Variants in SCARA5 observed in about 807,000 individuals in gnomAD.
The protein encoded by SCARA5 is scavenger receptor class A member 5.
Under a neutral mutation model 46.3 loss-of-function variants are expected in SCARA5, and 45 were observed. The ratio of observed to expected loss-of-function variants is 0.97; its 90% CI spans 0.76 to 1.24. SCARA5 has a LOEUF of 1.24. SCARA5 is among the 50% of genes most tolerant of loss of function. The pLI is 0.00. For missense variants in SCARA5, 680 were observed against 689.0 expected (o/e 0.99, Z 0.15); for synonymous variants, 333 against 306.5 (o/e 1.09, Z -0.90).
intron 8 of SCARA5, 106 bp downstream of exon 8, chr8:27,879,463 G>C (rs560876301): frequency 1.8e-6 from 2 of 1,096,698 alleles, no homozygotes; most frequent in East Asian, 4.8e-5. Flanking sequence ...GGAGAGGCTG[G>C]GGACCTCGCG....
intron 7 of SCARA5, among the ~76,000 whole-genome samples, chr8:27,900,472 T>C (rs1286652718): frequency 6.6e-6 from 1 of 152,190 alleles, no homozygotes; most frequent in Non-Finnish European, 1.5e-5. Flanking sequence ...CTTCCCTAAA[T>C]ACTGAAAACA....
intron 7 of SCARA5, among the ~76,000 whole-genome samples, chr8:27,900,359 G>C (rs1439915645): frequency 2.0e-5 from 3 of 152,124 alleles, no homozygotes; most frequent in Non-Finnish European, 2.9e-5. Flanking sequence ...AAACATCTCA[G>C]CAGCTGCAGG....
At chr8:27,942,026 G>A (rs1807954530) in intron 3 of SCARA5, among the ~76,000 whole-genome samples, 1 of 151,720 alleles carries the variant, frequency 6.6e-6, no homozygotes, top group Admixed American at 6.6e-5. Flanking sequence ...ACAGGGTTTT[G>A]CCATGTTGCC....
intron 8 of SCARA5, among the ~76,000 whole-genome samples, chr8:27,872,650 C>T (rs1304809512): frequency 6.6e-6 from 1 of 152,212 alleles, no homozygotes; most frequent in African/African-American, 2.4e-5. Flanking sequence ...AGCTCTTACA[C>T]AATAAGCCCT....
intron 3 of SCARA5, among the ~76,000 whole-genome samples, chr8:27,949,665 C>T (rs1409922291): frequency 2.0e-5 from 3 of 152,208 alleles, no homozygotes; most frequent in Non-Finnish European, 4.4e-5. Context: ...GTCCTCCTTC[C>T]ACCCCAACCG....
chr8:27,984,472 CCATT>C (rs779730992), intron 2 of SCARA5, among the ~76,000 whole-genome samples: 2 of 145,456 alleles, frequency 1.4e-5, no homozygotes, highest in African/African-American at 2.6e-5. Flanking sequence ...GTTTATCCAT[CCATT>C]CATTCATTCA....
At chr8:27,961,776 TATA>T (rs1225996921) in intron 3 of SCARA5, among the ~76,000 whole-genome samples, 1 of 152,234 alleles carries the variant, frequency 6.6e-6, no homozygotes, top group Non-Finnish European at 1.5e-5. Context: ...GATGTGTTAA[TATA>T]ATCACACACC....
chr8:27,985,757 C>T (rs1012511214), intron 2 of SCARA5, among the ~76,000 whole-genome samples: 1 of 152,216 alleles, frequency 6.6e-6, no homozygotes, highest in Admixed American at 6.5e-5. Flanking sequence ...CTGCTGTCTG[C>T]CCTGCACCTG....
chr8:27,921,661 C>G lies in SCARA5; in HGVS notation c.826G>C (p.Glu276Gln), dbSNP rs762895170. 1.2e-6 allele frequency: 2 copies of G among 1,609,250 alleles called. No individual in the cohort carries two copies. Among genetic ancestry groups the G allele is most frequent in the South Asian group, 2.2e-5 (2 of 90,168 alleles). Reference protein sequence around the residue: ...HVGMELQLKQELAMLNAVTED... With the variant: ...HVGMELQLKQQLAMLNAVTED... ...GTGACCGCGTTGAGCATGGCCAGCTCCTGCTTCAGCTGCAGCTCCATGCCT... is the reference window on the plus strand; with the variant it reads ...GTGACCGCGTTGAGCATGGCCAGCTGCTGCTTCAGCTGCAGCTCCATGCCT... Residue 276 changes from glutamate (E) to glutamine (Q), a missense_variant, in exon 4 of 9, where the codon GAG (glutamate) becomes CAG (glutamine). Physicochemically the swap from Glu to Gln is conservative, Grantham distance 29. Transcript: ENST00000354914.
chr8:27,970,551 T>G (rs1392776494), intron 2 of SCARA5, among the ~76,000 whole-genome samples: 1 of 152,222 alleles, frequency 6.6e-6, no homozygotes, highest in African/African-American at 2.4e-5. Context: ...TAATTAAAAA[T>G]GGGCATAAAT....
intron 7 of SCARA5, among the ~76,000 whole-genome samples, chr8:27,880,857 G>GAAAAA (rs71222524): frequency 0.052 from 4,911 of 94,532 alleles, 234 homozygotes; most frequent in South Asian, 0.063. Context: ...CCTGTCTAAG[G>GAAAAA]AAAAAAAAAA....
intron 4 of SCARA5, among the ~76,000 whole-genome samples, chr8:27,920,772 C>T (rs1378158730): frequency 6.6e-6 from 1 of 151,972 alleles, no homozygotes; most frequent in Non-Finnish European, 1.5e-5. Context: ...ATCACTGCCC[C>T]CCAGCCTGGG....
rs34760183 is a variant in SCARA5 at position 27,947,708 on chromosome 8, TA to T, written c.241+18705del. ...GAACATGGCGAAACCGTGTCTCTACTAAAAAAAAAAAAAAAAAAAAGTCAGG... is the reference window on the plus strand; with the variant it reads ...GAACATGGCGAAACCGTGTCTCTACTAAAAAAAAAAAAAAAAAAAGTCAGG... On this transcript the variant is annotated intron_variant, in intron 3 of 8. Transcript: ENST00000354914. Among the ~76,000 whole-genome samples, 521 of 112,888 alleles carry T rather than the reference TA, an allele frequency of 4.6e-3. 1 individual carries two copies. The highest frequency in any genetic ancestry group is 0.011 in the African/African-American group (329 of 29,606). The allele number at this position is 112,888 out of a possible 152,430, so 74.1% of individuals were successfully genotyped here.
intron 4 of SCARA5, among the ~76,000 whole-genome samples, chr8:27,913,974 T>C (rs1168210249): frequency 1.3e-5 from 2 of 152,132 alleles, no homozygotes; most frequent in African/African-American, 4.8e-5. Flanking sequence ...ACTGATTTGG[T>C]TTGGCTGTGT....
intron 3 of SCARA5, among the ~76,000 whole-genome samples, chr8:27,939,903 C>T (rs912961254): frequency 1.3e-5 from 2 of 152,184 alleles, no homozygotes; most frequent in African/African-American, 2.4e-5. Context: ...TTCTACTCCA[C>T]CACAATCTGT....
intron 5 of SCARA5, among the ~76,000 whole-genome samples, chr8:27,909,355 C>T (rs1807328058): frequency 6.6e-6 from 1 of 152,172 alleles, no homozygotes; most frequent in African/African-American, 2.4e-5. Flanking sequence ...GATCTCAAAA[C>T]ATCTCCAACT....
At chr8:27,950,892 A>AAAAAAAAG in intron 3 of SCARA5, among the ~76,000 whole-genome samples, 1 of 151,836 alleles carries the variant, frequency 6.6e-6, no homozygotes. Flanking sequence ...AAAAAAAAAA[A>AAAAAAAAG]GGTCAGTGTG....
At chr8:27,950,835 C>T (rs1225711072) in intron 3 of SCARA5, among the ~76,000 whole-genome samples, 2 of 147,646 alleles carry the variant, frequency 1.4e-5, no homozygotes, top group African/African-American at 2.5e-5. Context: ...CCGATCGGAA[C>T]GAGCTCTGTG....
chr8:27,979,399 C>T (rs1488795689), intron 2 of SCARA5, among the ~76,000 whole-genome samples: 2 of 152,166 alleles, frequency 1.3e-5, no homozygotes, highest in African/African-American at 2.4e-5. Flanking sequence ...GAATAACTCA[C>T]GTAACCCTTG....
Sources: allele counts gnomAD v4.1 joint callset (sites outside exome capture counted in the v4.1 genomes callset), GRCh38; gene constraint gnomAD v4.1.1; transcripts MANE v1.5; gene names NCBI Gene and HGNC (gene_info 2026-07-23, HGNC 2026-07-21).